Variants in ADK observed in about 807,000 individuals in gnomAD.
The protein encoded by ADK is adenosine kinase.
ADK carries 24 observed loss-of-function variants against 44.7 expected under a neutral mutation model. The ratio of observed to expected loss-of-function variants is 0.54; its 90% CI spans 0.39 to 0.76. The LOEUF (loss-of-function observed/expected upper bound fraction) is 0.76. Ranked by LOEUF, ADK falls within the 30% of genes least tolerant of loss-of-function variation. The probability of loss-of-function intolerance (pLI) is 0.00; values close to 1 mark genes in which losing one functional copy is unlikely to be tolerated. For missense variants in ADK, 321 were observed against 425.1 expected (o/e 0.76, Z 2.15); for synonymous variants, 128 against 142.6 (o/e 0.90, Z 0.73).
At chr10:74,291,230 C>G (rs1847417187) in intron 3 of ADK, among the ~76,000 whole-genome samples, 2 of 152,074 alleles carry the variant, frequency 1.3e-5, no homozygotes, top group South Asian at 4.1e-4. Flanking sequence ...TCCTGGCTAA[C>G]ACGGTGAAAC....
intron 3 of ADK, among the ~76,000 whole-genome samples, chr10:74,244,431 T>C (rs1393228500): frequency 1.3e-5 from 2 of 152,224 alleles, no homozygotes; most frequent in African/African-American, 4.8e-5. Flanking sequence ...TCTAAACTTG[T>C]GTTTAGTACT....
intron 9 of ADK, chr10:74,655,333 GA>G: frequency 2.4e-6 from 1 of 419,240 alleles, no homozygotes; most frequent in Non-Finnish European, 4.7e-6. Flanking sequence ...ATAAGAAAGT[GA>G]ATGTGTCAGA....
At chr10:74,708,225 G>C in intron 10 of ADK, 96 bp from the exon 11 acceptor site, 1 of 1,273,076 alleles carries the variant, frequency 7.9e-7, no homozygotes, top group Non-Finnish European at 1.1e-6. Flanking sequence ...GCTGAAGAAT[G>C]AGACAGGTGC....
At chr10:74,505,673 T>G (rs1257982585) in intron 6 of ADK, among the ~76,000 whole-genome samples, 2 of 152,214 alleles carry the variant, frequency 1.3e-5, no homozygotes, top group Non-Finnish European at 2.9e-5. Flanking sequence ...TGGCTACTTT[T>G]GTAACAATGG....
intron 8 of ADK, among the ~76,000 whole-genome samples, chr10:74,595,136 A>G (rs12250065): frequency 0.036 from 4,972 of 139,662 alleles, 311 homozygotes; most frequent in African/African-American, 0.13. Context: ...AAATTGCACC[A>G]TTGCACACCA....
chr10:74,325,799 A>C (rs1468626115), intron 4 of ADK, among the ~76,000 whole-genome samples: 1 of 152,002 alleles, frequency 6.6e-6, no homozygotes, highest in Non-Finnish European at 1.5e-5. Flanking sequence ...TGAACCATTC[A>C]TATATCCATG....
At chr10:74,203,321 C>G (rs1843465688) in intron 2 of ADK, among the ~76,000 whole-genome samples, 1 of 151,450 alleles carries the variant, frequency 6.6e-6, no homozygotes, top group Admixed American at 6.6e-5. Context: ...TGTCCTTATG[C>G]CAGTATGACA....
At position 74,218,471 on chromosome 10, in the gene ADK, G is replaced by C. The variant is rs558489862; in HGVS notation, c.141-6067G>C. Reference sequence around the variant, plus strand: ...CAGGATATTATCCAGGAGAACTTCTGCAATCTAGCAAGGCAGCCAACATTC... The same window carrying C: ...CAGGATATTATCCAGGAGAACTTCTCCAATCTAGCAAGGCAGCCAACATTC... On this transcript the variant is annotated intron_variant, in intron 2 of 10. Coordinates refer to ENST00000539909, the MANE Select transcript of ADK (RefSeq NM_006721.4). 2.3e-3 allele frequency among the ~76,000 whole-genome samples: 353 copies of C among 152,256 alleles called. 2 individuals are homozygous for C. The highest frequency in any genetic ancestry group is 7.7e-3 in the African/African-American group (318 of 41,544).
chr10:74,328,438 GAAGGGTGT>G (rs1258324149), intron 4 of ADK, among the ~76,000 whole-genome samples: 1 of 152,084 alleles, frequency 6.6e-6, no homozygotes, highest in Non-Finnish European at 1.5e-5. Context: ...GGGCTTAGGG[GAAGGGTGT>G]TGCAGTCAAA....
At chr10:74,566,368 G>A (rs919276826) in intron 7 of ADK, among the ~76,000 whole-genome samples, 5 of 151,654 alleles carry the variant, frequency 3.3e-5, no homozygotes, top group South Asian at 4.2e-4. Context: ...CACCACACCC[G>A]GCTATGTTTT....
intron 6 of ADK, among the ~76,000 whole-genome samples, chr10:74,401,725 G>A (rs571598509): frequency 4.6e-5 from 7 of 152,196 alleles, no homozygotes; most frequent in South Asian, 4.1e-4. Flanking sequence ...TAATTGGGGC[G>A]TTTAGCCCAT....
chr10:74,303,585 G>GTTTTT (rs1282565148), intron 3 of ADK, among the ~76,000 whole-genome samples: 3,182 of 64,490 alleles, frequency 0.049, 732 homozygotes, highest in Non-Finnish European at 0.057. Flanking sequence ...TGGTTTTAAT[G>GTTTTT]TTGTTTTTTT....
At chr10:74,639,610 G>C (rs1853761939) in intron 9 of ADK, among the ~76,000 whole-genome samples, 1 of 152,192 alleles carries the variant, frequency 6.6e-6, no homozygotes, top group Non-Finnish European at 1.5e-5. Flanking sequence ...GCCGAGGGGG[G>C]CAGATCACTT....
chr10:74,410,761 A>C (rs1233944565), intron 6 of ADK, among the ~76,000 whole-genome samples: 1 of 152,216 alleles, frequency 6.6e-6, no homozygotes, highest in Non-Finnish European at 1.5e-5. Context: ...AGCCTTTGTA[A>C]CATAATCTAT....
intron 6 of ADK, among the ~76,000 whole-genome samples, chr10:74,486,453 G>A (rs1158898713): frequency 2.0e-5 from 3 of 152,060 alleles, no homozygotes; most frequent in Non-Finnish European, 4.4e-5. Flanking sequence ...TGTGACATTG[G>A]TGCAGTGATA....
intron 6 of ADK, among the ~76,000 whole-genome samples, chr10:74,489,398 G>A (rs1417201540): frequency 6.6e-6 from 1 of 151,928 alleles, no homozygotes; most frequent in Non-Finnish European, 1.5e-5. Context: ...AGTGAGGAAA[G>A]GAGACATTCC....
At position 74,525,416 on chromosome 10, in the gene ADK, G is replaced by A; in HGVS notation, c.716G>A (p.Gly239Glu). 2.5e-6 allele frequency: 4 copies of A among 1,612,118 alleles called. No individual in the cohort carries two copies. Among genetic ancestry groups the A allele is most frequent in the Non-Finnish European group, 2.5e-6 (3 of 1,179,432 alleles). Residue 239 changes from glycine to glutamate, a missense_variant, in exon 7 of 11, where the codon GGA becomes GAA. Coordinates refer to ENST00000539909, the MANE Select transcript of ADK (RefSeq NM_006721.4). The stretch of plus-strand genomic sequence containing the variant: ...ATGCCTTATGTTGATATACTTTTTG[G>A]AAATGAGACAGTGAGTTACCTTTCC... ...KVMPYVDILF[G>E]NETEAATFAR...
intron 3 of ADK, among the ~76,000 whole-genome samples, chr10:74,246,429 G>T (rs1311873964): frequency 1.3e-5 from 2 of 152,228 alleles, no homozygotes; most frequent in African/African-American, 4.8e-5. Flanking sequence ...GAGTTGAGCA[G>T]ATGGTTGGTT....
chr10:74,550,072 C>CT (rs60206457), intron 7 of ADK, among the ~76,000 whole-genome samples: 4,109 of 136,376 alleles, frequency 0.03, 184 homozygotes, highest in African/African-American at 0.091. Flanking sequence ...AACCCAATCA[C>CT]TTTTTTTTTT....
Sources: allele counts gnomAD v4.1 joint callset (sites outside exome capture counted in the v4.1 genomes callset), GRCh38; gene constraint gnomAD v4.1.1; transcripts MANE v1.5; gene names NCBI Gene and HGNC (gene_info 2026-07-23, HGNC 2026-07-21).